The following PLCL1 variants were observed in gnomAD, a reference collection of about 807,000 sequenced individuals.
PLCL1 encodes inactive phospholipase C-like protein 1.
In PLCL1, 41 loss-of-function variants were observed where a neutral mutation model predicts 84.4. The observed-to-expected ratio is 0.49, with a 90% CI of 0.38 to 0.63. PLCL1 has a LOEUF of 0.63. PLCL1 is among the 30% of genes least tolerant of loss of function. The pLI, the probability that PLCL1 is intolerant of heterozygous loss-of-function variation, is 0.00. For missense variants in PLCL1, 1,206 were observed against 1,367.8 expected, an observed-to-expected ratio of 0.88 and a Z score of 1.87; for synonymous variants, 490 against 488.3, an observed-to-expected ratio of 1.00 and a Z score of -0.05.
At chr2:197,860,662 G>A (rs1194700529) in intron 1 of PLCL1, among the ~76,000 whole-genome samples, 2 of 151,848 alleles carry the variant, frequency 1.3e-5, no homozygotes, top group Admixed American at 6.6e-5. Context: ...GCTTGTTGAC[G>A]GCATGCATGC....
chr2:198,067,193 A>G (rs988351667), intron 1 of PLCL1, among the ~76,000 whole-genome samples: 1 of 149,686 alleles, frequency 6.7e-6, no homozygotes, highest in African/African-American at 2.5e-5. Context: ...AAATGGCTCA[A>G]TCTCGGCTCA....
chr2:198,126,998 G>GTC (rs1694002936), intron 5 of PLCL1, among the ~76,000 whole-genome samples: 2 of 51,262 alleles, frequency 3.9e-5, no homozygotes, highest in Admixed American at 2.7e-4. Flanking sequence ...GTGAGTGTGT[G>GTC]TGTGTGTGTG....
intron 1 of PLCL1, among the ~76,000 whole-genome samples, chr2:197,909,300 G>C (rs1688440684): frequency 6.6e-6 from 1 of 151,832 alleles, no homozygotes; most frequent in Non-Finnish European, 1.5e-5. Context: ...GTTATTAAAA[G>C]TTCATTCCTG....
intron 1 of PLCL1, among the ~76,000 whole-genome samples, chr2:198,067,162 C>G (rs1003178690): frequency 5.2e-5 from 7 of 135,168 alleles, no homozygotes; most frequent in African/African-American, 8.5e-5. Context: ...GAGTTTTGCT[C>G]TTGTCACCCA....
chr2:197,890,913 A>G (rs1688015007), intron 1 of PLCL1, among the ~76,000 whole-genome samples: 2 of 148,880 alleles, frequency 1.3e-5, no homozygotes, highest in Admixed American at 6.7e-5. Context: ...GTATCTATAT[A>G]TCCTGGGTAT....
At chr2:197,842,014 T>TA (rs907186629) in intron 1 of PLCL1, among the ~76,000 whole-genome samples, 6 of 152,168 alleles carry the variant, frequency 3.9e-5, no homozygotes, top group Admixed American at 2.0e-4. Context: ...GCCTATGTTT[T>TA]AAAAAATAGC....
chr2:197,966,187 A>G (rs372085675), intron 1 of PLCL1, among the ~76,000 whole-genome samples: 4 of 151,580 alleles, frequency 2.6e-5, no homozygotes, highest in African/African-American at 4.9e-5. Flanking sequence ...CCACTCCTCA[A>G]GCAGAAGGAA....
rs1310461508 is a variant in PLCL1 at position 198,029,900 on chromosome 2, A to C, written c.241-53858A>C. On this transcript the variant is annotated intron_variant, in intron 1 of 5. Transcript: ENST00000428675. ...TTTTCAGTAGAGACGGGGTTTCACCATGTTGCCTAGGCTGATCTTGAATGC... is the reference window on the plus strand; with the variant it reads ...TTTTCAGTAGAGACGGGGTTTCACCCTGTTGCCTAGGCTGATCTTGAATGC... Among the ~76,000 whole-genome samples the C allele has an allele frequency of 2.9e-5, 3 of 103,856 alleles. No homozygotes were observed. The Admixed American group carries it at 3.0e-4, about 10-fold the overall frequency. 68.1% of individuals were successfully genotyped at this position (103,856 alleles called of 152,430 possible).
At chr2:197,895,681 T>C (rs557451137) in intron 1 of PLCL1, among the ~76,000 whole-genome samples, 2 of 152,148 alleles carry the variant, frequency 1.3e-5, no homozygotes, top group African/African-American at 4.8e-5. Flanking sequence ...ATTTCCATGA[T>C]AAGTTGGATC....
chr2:197,825,605 T>C (rs1344420626), intron 1 of PLCL1, among the ~76,000 whole-genome samples: 1 of 152,202 alleles, frequency 6.6e-6, no homozygotes, highest in East Asian at 1.9e-4. Flanking sequence ...CATTCTCTTC[T>C]ACCTTCCTTA....
At position 198,085,812 on chromosome 2, in the gene PLCL1, A is replaced by G. The variant is rs1341192541; in HGVS notation, c.2295A>G (p.Arg765=). 6.2e-7 allele frequency: 1 copy of G among 1,614,072 alleles called. No homozygotes were observed. The highest frequency in any genetic ancestry group is 8.5e-7 in the Non-Finnish European group (1 of 1,180,022). The part of the protein sequence containing the change: ...HGIPADCSEQ[R]TKTVQQNSDN... The stretch of plus-strand genomic sequence containing the variant: ...TTCCAGCGGATTGTTCGGAACAAAG[A>G]ACTAAAACTGTACAGCAAAACAGTG... The change falls in exon 2 of 6, where the codon AGA becomes AGG. Residue 765 remains arginine, a synonymous_variant. Transcript: ENST00000428675. This position sits in a 1 kb window ranked among gnomAD's most constrained non-coding sequence, Gnocchi z 5.3.
intron 1 of PLCL1, among the ~76,000 whole-genome samples, chr2:197,961,238 G>GAAGAGAGAGAGAGAGA: frequency 6.8e-6 from 1 of 146,088 alleles, no homozygotes; most frequent in East Asian, 2.1e-4. Flanking sequence ...TTGGGAAGGT[G>GAAGAGAGAGAGAGAGA]GAGAGAGAGA....
In PLCL1 at chr2:198,084,931, A is replaced by G. The variant is rs777772514; in HGVS notation, c.1414A>G (p.Ile472Val). Residue 472 changes from isoleucine (I) to valine (V), a missense_variant, in exon 2 of 6, where the codon ATA becomes GTA. Coordinates refer to ENST00000428675, the MANE Select transcript of PLCL1 (RefSeq NM_006226.4). The part of the protein sequence containing the change: ...MTTHVSFRSV[I>V]EVINKFAFVA... The stretch of plus-strand genomic sequence containing the variant: ...AACCCATGTTTCCTTTCGAAGTGTC[A>G]TAGAGGTAATAAATAAATTTGCCTT... The G allele has an allele frequency of 9.9e-6, 16 of 1,613,930 alleles. No individual in the cohort carries two copies. The highest frequency in any genetic ancestry group is 1.3e-5 in the African/African-American group (1 of 74,934).
chr2:197,947,617 AAAG>A (rs1689307607), intron 1 of PLCL1, among the ~76,000 whole-genome samples: 7 of 152,178 alleles, frequency 4.6e-5, no homozygotes, highest in Non-Finnish European at 1.0e-4. Context: ...TGGTTTGAAG[AAAG>A]CAAAAAGGCT....
intron 1 of PLCL1, among the ~76,000 whole-genome samples, chr2:197,881,158 C>G (rs754228161): frequency 1.3e-5 from 2 of 152,124 alleles, no homozygotes; most frequent in Non-Finnish European, 2.9e-5. Context: ...AGTATATGCT[C>G]ACTTTTCTTA....
At position 198,043,197 on chromosome 2, in the gene PLCL1, A is replaced by G. The variant is rs1194078042; in HGVS notation, c.241-40561A>G. Among the ~76,000 whole-genome samples, 3 of 152,340 alleles carry G rather than the reference A, an allele frequency of 2.0e-5. No individual in the cohort carries two copies. The East Asian group carries it at 5.8e-4, about 29-fold the overall frequency. ...GGTTTTAAAAACAGTGAAAACTGGG[A>G]GGAAAGAATTTCATGGAAAGGCCCA... is the stretch of plus-strand genomic sequence containing the variant. On this transcript the variant is annotated intron_variant, in intron 1 of 5. Transcript: ENST00000428675.
At chr2:197,949,678 G>A (rs1559053882) in intron 1 of PLCL1, among the ~76,000 whole-genome samples, 1 of 152,042 alleles carries the variant, frequency 6.6e-6, no homozygotes, top group Non-Finnish European at 1.5e-5. Flanking sequence ...GGAAAGGGGA[G>A]GAGAGAGAAA....
intron 1 of PLCL1, among the ~76,000 whole-genome samples, chr2:197,990,227 G>T (rs1337573242): frequency 6.6e-6 from 1 of 152,180 alleles, no homozygotes; most frequent in Non-Finnish European, 1.5e-5. Context: ...TAAAAAAAAG[G>T]AGGCAAATAA....
intron 1 of PLCL1, among the ~76,000 whole-genome samples, chr2:197,881,521 C>CTGTGTGTGTGTGTG (rs112582985): frequency 0.034 from 5,085 of 150,980 alleles, 276 homozygotes; most frequent in African/African-American, 0.11. Flanking sequence ...GAACAGTGCT[C>CTGTGTGTGTGTGTG]TGTGTGTGTG....
Sources: gnomAD v4.1 joint callset for allele counts (sites outside exome capture counted in the v4.1 genomes callset) on GRCh38, gnomAD v4.1.1 for gene constraint, Gnocchi (gnomAD v3.1) non-coding constraint, MANE v1.5 for transcripts, NCBI Gene and HGNC (gene_info 2026-07-23, HGNC 2026-07-21) for gene names.